The following CHGB variants were observed in gnomAD, a reference collection of about 807,000 sequenced individuals.
CHGB encodes chromogranin B, also known as secretogranin-1.
In CHGB, 46 loss-of-function variants were observed where a neutral mutation model predicts 69.9. The ratio of observed to expected loss-of-function variants is 0.66; its 90% CI spans 0.52 to 0.84. CHGB has a LOEUF of 0.84. Ranked by LOEUF, CHGB falls within the 40% of genes least tolerant of loss-of-function variation. CHGB has a pLI of 0.00. For missense variants in CHGB, 796 were observed against 822.2 expected (o/e 0.97, Z 0.39); for synonymous variants, 312 against 298.2 (o/e 1.05, Z -0.48).
chr20:5,911,890 C>A (rs1394122215), intron 1 of CHGB, among the ~76,000 whole-genome samples: 1 of 152,216 alleles, frequency 6.6e-6, no homozygotes, highest in Non-Finnish European at 1.5e-5. Flanking sequence ...GGCTTCCTAG[C>A]CCAACCAGGG....
chr20:5,919,226 T>C (rs2088499176), intron 3 of CHGB, among the ~76,000 whole-genome samples: 2 of 152,214 alleles, frequency 1.3e-5, no homozygotes, highest in South Asian at 4.1e-4. Flanking sequence ...GATTATGGCA[T>C]AGTAACTCTA....
rs142905450 is a variant in CHGB, at chr20:5,913,537, A to G, written c.49+1855A>G. 2.3e-4 allele frequency among the ~76,000 whole-genome samples: 35 copies of G among 152,290 alleles called. No individual in the cohort carries two copies. In the East Asian group the frequency reaches 6.6e-3, roughly 29 times the overall value. On this transcript the variant is annotated intron_variant, in intron 1 of 4. Transcript: ENST00000378961. ...TTCTATGGAAGCTATTGTGCACTCT[A>G]AAAATTAATATAAGGGAAGTAGTAA...
rs1302777073 is a variant in CHGB at position 5,916,359 on chromosome 20, A to C, written c.83A>C (p.His28Pro). The C allele has an allele frequency of 6.2e-7, 1 of 1,613,338 alleles. No homozygotes were observed. Among genetic ancestry groups the C allele is most frequent in the Non-Finnish European group, 8.5e-7 (1 of 1,179,368 alleles). The change falls in exon 2 of 5, where the codon CAC becomes CCC. Residue 28 changes from histidine (H) to proline (P), a missense_variant. Physicochemically the swap from His to Pro is moderately conservative, Grantham distance 77. Coordinates refer to ENST00000378961, the MANE Select transcript of CHGB (RefSeq NM_001819.3). ...VNSMPVDNRNHNEGMVTRCII... is the reference protein window; with the variant it reads ...VNSMPVDNRNPNEGMVTRCII... ...TCCATGCCAGTGGATAACAGGAACCACAATGAAGGAATGGTAAGTTGCAAT... is the reference window on the plus strand; with the variant it reads ...TCCATGCCAGTGGATAACAGGAACCCCAATGAAGGAATGGTAAGTTGCAAT...
In CHGB at chr20:5,923,926, G is replaced by A. The variant is rs776442043; in HGVS notation, c.1782G>A (p.Lys594=). 1 of 1,614,182 alleles carries A rather than the reference G, an allele frequency of 6.2e-7. No individual in the cohort carries two copies. The highest frequency in any genetic ancestry group is 1.7e-5 in the Admixed American group (1 of 60,030). Residue 594 remains lysine, a synonymous_variant, in exon 4 of 5, where the codon AAG becomes AAA. Coordinates refer to ENST00000378961, the MANE Select transcript of CHGB (RefSeq NM_001819.3). ...YEKRNLARVP[K]LDLKRQYDRV... is the part of the protein sequence containing the mutation. Reference sequence around the variant, plus strand: ...AGAGAAACCTCGCCAGGGTCCCCAAGCTGGACCTGAAAAGGCAATATGACA... The same window carrying A: ...AGAGAAACCTCGCCAGGGTCCCCAAACTGGACCTGAAAAGGCAATATGACA...
In CHGB at chr20:5,925,193, T is replaced by A. The variant is rs1336841786; in HGVS notation, c.*144T>A. On this transcript the variant is annotated 3_prime_UTR_variant, in exon 5 of 5. Coordinates refer to ENST00000378961, the MANE Select transcript of CHGB (RefSeq NM_001819.3). ...TAAATGTTTGACACAATTGGAATTG[T>A]CTTTAATTTCTGTCAGAATGCTATT... is the stretch of plus-strand genomic sequence containing the variant. The A allele has an allele frequency of 9.3e-6, 5 of 538,520 alleles. No homozygotes were observed. Among genetic ancestry groups the A allele is most frequent in the Non-Finnish European group, 1.6e-5 (5 of 304,684 alleles). The allele number at this position is 538,520 out of a possible 1,614,324, so 33.4% of individuals were successfully genotyped here.
intron 2 of CHGB, 80 bp downstream of exon 2, chr20:5,916,452 A>C: frequency 8.4e-7 from 1 of 1,189,478 alleles, no homozygotes; most frequent in Non-Finnish European, 1.2e-6. Flanking sequence ...ACCAAACCAA[A>C]CACACGCATG....
intron 3 of CHGB, chr20:5,917,980 CA>C (rs34483659): frequency 0.055 from 6,293 of 114,240 alleles, 428 homozygotes; most frequent in African/African-American, 0.17. Context: ...ACTAAAAATA[CA>C]AAAAAAAAAA....
chr20:5,917,102 C>A, intron 3 of CHGB, 183 bp downstream of exon 3: 1 of 625,760 alleles, frequency 1.6e-6, no homozygotes. Context: ...TGCTTTACCA[C>A]TTCGCAGCTG....
Position 5,911,603 on chromosome 20 carries a change from C to T in CHGB, c.-31C>T, listed in dbSNP as rs775374664. On this transcript the variant is annotated 5_prime_UTR_variant, in exon 1 of 5. Coordinates refer to ENST00000378961, the MANE Select transcript of CHGB (RefSeq NM_001819.3). ...GCTTCTCCGGTCCAGCCGCCATCTT[C>T]CTTTCCGCACAGGGGCCGCCGAGCG... 4 of 1,519,514 alleles carry T rather than the reference C, an allele frequency of 2.6e-6. No homozygotes were observed. The African/African-American group carries it at 5.7e-5, about 22-fold the overall frequency. The allele number at this position is 1,519,514 out of a possible 1,614,324, so 94.1% of individuals were successfully genotyped here.
At chr20:5,919,523 T>C (rs1185347692) in intron 3 of CHGB, among the ~76,000 whole-genome samples, 1 of 152,170 alleles carries the variant, frequency 6.6e-6, no homozygotes, top group Non-Finnish European at 1.5e-5. Context: ...AATTCTCAGC[T>C]CTAAACCCGT....
At chr20:5,921,342 C>T (rs1409690568) in intron 3 of CHGB, among the ~76,000 whole-genome samples, 3 of 152,180 alleles carry the variant, frequency 2.0e-5, no homozygotes, top group Non-Finnish European at 4.4e-5. Context: ...ATGGTGCCTG[C>T]AGTGTAGACC....
intron 3 of CHGB, among the ~76,000 whole-genome samples, chr20:5,921,018 G>T (rs915612799): frequency 6.6e-6 from 1 of 152,002 alleles, no homozygotes; most frequent in African/African-American, 2.4e-5. Flanking sequence ...AATATAATGT[G>T]AGCCACAAAT....
Position 5,923,925 on chromosome 20 carries a change from A to T in CHGB, c.1781A>T (p.Lys594Met). The T allele has an allele frequency of 6.2e-7, 1 of 1,614,180 alleles. No individual in the cohort carries two copies. Among genetic ancestry groups the T allele is most frequent in the East Asian group, 2.2e-5 (1 of 44,884 alleles). ...YEKRNLARVP[K>M]LDLKRQYDRV... ...AAGAGAAACCTCGCCAGGGTCCCCA[A>T]GCTGGACCTGAAAAGGCAATATGAC... Residue 594 changes from lysine (K) to methionine (M), a missense_variant, in exon 4 of 5, where the codon AAG becomes ATG. Coordinates refer to ENST00000378961, the MANE Select transcript of CHGB (RefSeq NM_001819.3).
rs1317081511 is a variant in CHGB, at chr20:5,923,951, A to G, written c.1807A>G (p.Arg603Gly). 1.9e-6 allele frequency: 3 copies of G among 1,614,098 alleles called. No individual in the cohort carries two copies. Among genetic ancestry groups the G allele is most frequent in the Non-Finnish European group, 1.7e-6 (2 of 1,180,042 alleles). ...GCTGGACCTGAAAAGGCAATATGAC[A>G]GGGTGGCCCAACTGGACCAGCTCCT... Reference protein sequence around the residue: ...PKLDLKRQYDRVAQLDQLLHY... With the variant: ...PKLDLKRQYDGVAQLDQLLHY... Residue 603 changes from arginine to glycine, a missense_variant, in exon 4 of 5, where the codon AGG (arginine) becomes GGG (glycine). Physicochemically the swap from Arg to Gly is moderately radical, Grantham distance 125 (BLOSUM62 -2). This residue lies in a region of CHGB where 274 missense variants were observed against 298.9 expected (regional missense o/e 0.92). Coordinates refer to ENST00000378961, the MANE Select transcript of CHGB (RefSeq NM_001819.3).
At position 5,922,955 on chromosome 20, in the gene CHGB, A is replaced by G. The variant is rs769829418; in HGVS notation, c.811A>G (p.Thr271Ala). ...EESEEGEEDA[T>A]SEVDKRRTRP... is the part of the protein sequence containing the mutation. ...ATCTGAGGAAGGTGAGGAAGATGCCACCTCTGAGGTGGACAAACGACGCAC... is the reference window on the plus strand; with the variant it reads ...ATCTGAGGAAGGTGAGGAAGATGCCGCCTCTGAGGTGGACAAACGACGCAC... Residue 271 changes from threonine to alanine, a missense_variant, in exon 4 of 5, where the codon ACC (threonine) becomes GCC (alanine). By Grantham distance (58) the Thr-to-Ala change is moderately conservative. Around this residue, in one of 3 missense-constraint regions of CHGB, gnomAD observed 518 missense variants for 506.3 expected, o/e 1.02. Transcript: ENST00000378961. 7 of 1,610,676 alleles carry G rather than the reference A, an allele frequency of 4.3e-6. No homozygotes were observed. The highest frequency in any genetic ancestry group is 1.7e-6 in the Non-Finnish European group (2 of 1,178,454).
intron 1 of CHGB, among the ~76,000 whole-genome samples, chr20:5,913,088 G>A (rs948381840): frequency 1.3e-5 from 2 of 152,172 alleles, no homozygotes; most frequent in Non-Finnish European, 2.9e-5. Context: ...ACATTTGTGG[G>A]AATGATTTAA....
chr20:5,916,966 T>C (rs1486263169), intron 3 of CHGB, 47 bp downstream of exon 3: 29 of 1,502,238 alleles, frequency 1.9e-5, no homozygotes, highest in Non-Finnish European at 2.7e-5. Flanking sequence ...GCAGTGATCC[T>C]TGTTCCTACT....
intron 1 of CHGB, among the ~76,000 whole-genome samples, chr20:5,913,862 C>T (rs1389787619): frequency 6.6e-6 from 1 of 152,006 alleles, no homozygotes; most frequent in Non-Finnish European, 1.5e-5. Flanking sequence ...GAACTCCTGA[C>T]CTCAGGTAAT....
At chr20:5,924,186 G>A in intron 4 of CHGB, 86 bp downstream of exon 4, 1 of 1,446,460 alleles carries the variant, frequency 6.9e-7, no homozygotes, top group Non-Finnish European at 9.1e-7. Flanking sequence ...TTCACGGGGA[G>A]AAATTGGTGG....
Sources: allele counts gnomAD v4.1 joint callset (sites outside exome capture counted in the v4.1 genomes callset), GRCh38; gene constraint gnomAD v4.1.1; regional missense constraint gnomAD v4.1.1; transcripts MANE v1.5; gene names NCBI Gene and HGNC (gene_info 2026-07-23, HGNC 2026-07-21).